The following DLG2 variants were observed in gnomAD, a reference collection of about 807,000 sequenced individuals.
The protein encoded by DLG2 is discs large MAGUK scaffold protein 2.
Under a neutral mutation model 132.5 loss-of-function variants are expected in DLG2, and 45 were observed. The ratio of observed to expected loss-of-function variants is 0.34; its 90% confidence interval spans 0.27 to 0.44. The LOEUF (loss-of-function observed/expected upper bound fraction) is 0.44. Among genes scored for constraint, DLG2 ranks in the 20% least tolerant of loss-of-function variants. The pLI, the probability that DLG2 is intolerant of heterozygous loss-of-function variation, is 1.00. For synonymous variants in DLG2, 424 were observed against 419.6 expected (o/e 1.01, Z -0.13); for missense variants, 1,045 against 1,196.9 (o/e 0.87, Z 1.87).
chr11:85,486,451 G>A (rs537281002), intron 3 of DLG2, among the ~76,000 whole-genome samples: 2 of 152,248 alleles, frequency 1.3e-5, no homozygotes, highest in South Asian at 2.1e-4. Context: ...CACTACCAGG[G>A]AGCCTGTGAA....
At chr11:83,617,307 T>C (rs1263597536) in intron 19 of DLG2, among the ~76,000 whole-genome samples, 1 of 152,224 alleles carries the variant, frequency 6.6e-6, no homozygotes, top group African/African-American at 2.4e-5. Context: ...CCCACATTTA[T>C]GCATCTTCCT....
intron 4 of DLG2, among the ~76,000 whole-genome samples, chr11:85,254,980 C>G (rs1372904600): frequency 7.2e-6 from 1 of 138,442 alleles, no homozygotes; most frequent in Non-Finnish European, 1.5e-5. Context: ...GCCTGGGCAA[C>G]AGAGCAAGAC....
chr11:85,341,071 G>A (rs1302647286), intron 3 of DLG2, among the ~76,000 whole-genome samples: 1 of 151,836 alleles, frequency 6.6e-6, no homozygotes, highest in African/African-American at 2.4e-5. Context: ...GATTCTCTGA[G>A]GTAGAAGGTA....
intron 9 of DLG2, among the ~76,000 whole-genome samples, chr11:84,115,460 G>A (rs1347495291): frequency 1.3e-5 from 2 of 152,068 alleles, no homozygotes; most frequent in East Asian, 3.9e-4. Context: ...TGAGCATTTT[G>A]GTTAATATCT....
intron 6 of DLG2, among the ~76,000 whole-genome samples, chr11:84,685,061 A>G (rs1362165659): frequency 6.6e-6 from 1 of 152,224 alleles, no homozygotes; most frequent in Admixed American, 6.5e-5. Context: ...AGGGAATTAC[A>G]AGCATCCAGG....
intron 9 of DLG2, among the ~76,000 whole-genome samples, chr11:84,149,523 C>G (rs1295049439): frequency 6.6e-6 from 1 of 152,040 alleles, no homozygotes; most frequent in Non-Finnish European, 1.5e-5. Context: ...GATCAGATGG[C>G]TTTAGGTGTG....
intron 3 of DLG2, among the ~76,000 whole-genome samples, chr11:85,441,926 T>C (rs2091799693): frequency 6.6e-6 from 1 of 152,000 alleles, no homozygotes; most frequent in South Asian, 2.1e-4. Context: ...AGCTAAGTAG[T>C]CTTGGTGGTA....
rs1248215784 is a variant in DLG2, at chr11:83,459,912, C to A, written c.2834G>T (p.Gly945Val). The A allele has an allele frequency of 6.3e-7, 1 of 1,585,502 alleles. No homozygotes were observed. The highest frequency in any genetic ancestry group is 1.1e-5 in the South Asian group (1 of 89,936). The change falls in exon 28 of 28, where the codon GGA becomes GTA. Residue 945 changes from glycine to valine, a missense_variant. Around this residue, in one of 4 missense-constraint regions of DLG2, gnomAD observed 398 missense variants for 543.6 expected, o/e 0.73. Transcript: ENST00000376104. ...GTTATATATATCTTCTAAAGTATCT[C>A]CTTGGACAATAGCTGTAACAAAAGC... ...FGEYFTAIVQ[G>V]DTLEDIYNQC...
intron 4 of DLG2, among the ~76,000 whole-genome samples, chr11:85,175,889 A>G (rs887382009): frequency 8.5e-5 from 13 of 152,230 alleles, no homozygotes; most frequent in Non-Finnish European, 8.8e-5. Flanking sequence ...TAAAATACTT[A>G]GGAATATAGC....
intron 18 of DLG2, among the ~76,000 whole-genome samples, chr11:83,678,870 G>GT (rs1375792180): frequency 6.6e-6 from 1 of 152,108 alleles, no homozygotes. Context: ...TTATACTTCG[G>GT]TAAAAATAGG....
intron 7 of DLG2, among the ~76,000 whole-genome samples, chr11:84,503,122 G>C (rs1450533146): frequency 1.3e-5 from 2 of 152,150 alleles, no homozygotes; most frequent in African/African-American, 4.8e-5. Flanking sequence ...ATAGAACAGA[G>C]GTGTAATCTG....
intron 18 of DLG2, among the ~76,000 whole-genome samples, chr11:83,661,059 G>A (rs1566374508): frequency 6.6e-6 from 1 of 152,078 alleles, no homozygotes; most frequent in Non-Finnish European, 1.5e-5. Context: ...GATGCCCTTT[G>A]CTTGCTCTGC....
chr11:84,099,282 C>T (rs375002013), intron 9 of DLG2, among the ~76,000 whole-genome samples: 2 of 152,002 alleles, frequency 1.3e-5, no homozygotes, highest in South Asian at 4.1e-4. Flanking sequence ...AAATTGCTTC[C>T]TTTATGCAGC....
chr11:85,410,797 TGAGTAG>T (rs1377624133), intron 3 of DLG2, among the ~76,000 whole-genome samples: 1 of 151,954 alleles, frequency 6.6e-6, no homozygotes, highest in African/African-American at 2.4e-5. Context: ...ATTCCTAAAC[TGAGTAG>T]GAGTCTGTAT....
intron 7 of DLG2, among the ~76,000 whole-genome samples, chr11:84,482,446 A>G (rs2099140262): frequency 6.6e-6 from 1 of 152,228 alleles, no homozygotes; most frequent in South Asian, 2.1e-4. Flanking sequence ...CTATAGTATG[A>G]GAACATTTTT....
intron 6 of DLG2, among the ~76,000 whole-genome samples, chr11:84,962,937 T>A: frequency 6.6e-6 from 1 of 152,336 alleles, no homozygotes; most frequent in South Asian, 2.1e-4. Flanking sequence ...TATCAAGTTC[T>A]CATCTTTAAC....
chr11:84,179,707 C>G (rs921684739), intron 8 of DLG2, among the ~76,000 whole-genome samples: 5 of 152,094 alleles, frequency 3.3e-5, no homozygotes, highest in African/African-American at 1.2e-4. Context: ...GGGCTTCTCT[C>G]AGGAGAAATT....
rs2052153114 is a variant in DLG2, at chr11:83,825,091, A to G, written c.1722+8523T>C. 2.0e-5 allele frequency among the ~76,000 whole-genome samples: 3 copies of G among 147,906 alleles called. No homozygotes were observed. The South Asian group carries it at 6.4e-4, about 31-fold the overall frequency. On this transcript the variant is annotated intron_variant, in intron 17 of 27. Coordinates refer to ENST00000376104, the MANE Select transcript of DLG2 (RefSeq NM_001142699.3). ...TATACACATATATATACACACATAT[A>G]TATACACATATATATAGACATATAT...
At chr11:83,653,981 A>G (rs982032098) in intron 18 of DLG2, among the ~76,000 whole-genome samples, 1 of 152,128 alleles carries the variant, frequency 6.6e-6, no homozygotes, top group Non-Finnish European at 1.5e-5. Context: ...CTACCTCCCA[A>G]AGTGCTGGGA....
Sources: gnomAD v4.1 joint callset for allele counts (sites outside exome capture counted in the v4.1 genomes callset) on GRCh38, gnomAD v4.1.1 for gene constraint, gnomAD v4.1.1 regional missense constraint, MANE v1.5 for transcripts, NCBI Gene and HGNC (gene_info 2026-07-23, HGNC 2026-07-21) for gene names.